Variants in SAMD12 observed in about 807,000 individuals in gnomAD.
SAMD12 encodes the protein sterile alpha motif domain containing 12.
Under a neutral mutation model 15.0 loss-of-function variants are expected in SAMD12, and 9 were observed. The ratio of observed to expected loss-of-function variants is 0.60; its 90% CI spans 0.36 to 1.05. The LOEUF is 1.05. SAMD12 is among the 50% of genes least tolerant of loss of function. The pLI is 0.01. For synonymous variants in SAMD12, 86 were observed against 90.1 expected, an observed-to-expected ratio of 0.96 and a Z score of 0.25; for missense variants, 230 against 234.2, an observed-to-expected ratio of 0.98 and a Z score of 0.12.
At chr8:118,328,795 A>G (rs1025253060) in intron 4 of SAMD12, among the ~76,000 whole-genome samples, 2 of 152,148 alleles carry the variant, frequency 1.3e-5, no homozygotes, top group African/African-American at 2.4e-5. Flanking sequence ...GCTTGAAATG[A>G]TGCTCTTCCT....
At chr8:118,329,379 A>G (rs953248600) in intron 4 of SAMD12, among the ~76,000 whole-genome samples, 5 of 152,178 alleles carry the variant, frequency 3.3e-5, no homozygotes, top group East Asian at 1.9e-4. Context: ...TAAAATTATT[A>G]TAAATGAAAT....
At chr8:118,401,519 T>G (rs77966224) in intron 3 of SAMD12, among the ~76,000 whole-genome samples, 1,547 of 150,580 alleles carry the variant, frequency 0.01, 27 homozygotes, top group African/African-American at 0.037. Context: ...TATAGGTGTG[T>G]GCCACAGACT....
chr8:118,270,813 C>A (rs1372534391), intron 4 of SAMD12, among the ~76,000 whole-genome samples: 1 of 152,040 alleles, frequency 6.6e-6, no homozygotes, highest in Non-Finnish European at 1.5e-5. Context: ...CAAAAGACAA[C>A]AACACATATA....
intron 4 of SAMD12, among the ~76,000 whole-genome samples, chr8:118,300,616 G>A (rs765582346): frequency 3.3e-5 from 5 of 152,176 alleles, no homozygotes; most frequent in Non-Finnish European, 7.4e-5. Flanking sequence ...ACTGGATCTT[G>A]TTAGAAATAA....
chr8:118,433,965 C>A (rs1226394504), intron 3 of SAMD12, among the ~76,000 whole-genome samples: 2 of 152,132 alleles, frequency 1.3e-5, no homozygotes, highest in Non-Finnish European at 2.9e-5. Context: ...TAGCTACACA[C>A]CCCATTGGTT....
At chr8:118,560,433 T>C (rs2131209042) in intron 2 of SAMD12, among the ~76,000 whole-genome samples, 1 of 152,324 alleles carries the variant, frequency 6.6e-6, no homozygotes, top group Non-Finnish European at 1.5e-5. Context: ...ATACTACCCT[T>C]CCACCCATTT....
At chr8:118,423,177 C>T (rs1822080906) in intron 3 of SAMD12, among the ~76,000 whole-genome samples, 1 of 151,936 alleles carries the variant, frequency 6.6e-6, no homozygotes, top group African/African-American at 2.4e-5. Context: ...TGAATGATAC[C>T]CAAGAGAGGA....
At chr8:118,383,302 C>T (rs1295868425) in intron 3 of SAMD12, among the ~76,000 whole-genome samples, 3 of 151,954 alleles carry the variant, frequency 2.0e-5, no homozygotes, top group Admixed American at 6.6e-5. Context: ...CAAATGTCTA[C>T]GAGTATGTGA....
At chr8:118,422,718 G>A (rs1054509212) in intron 3 of SAMD12, among the ~76,000 whole-genome samples, 1 of 152,224 alleles carries the variant, frequency 6.6e-6, no homozygotes, top group African/African-American at 2.4e-5. Context: ...CAGGATCATA[G>A]GAAGAAGAGA....
intron 3 of SAMD12, among the ~76,000 whole-genome samples, chr8:118,386,988 TC>T (rs1292642378): frequency 5.9e-5 from 9 of 152,064 alleles, no homozygotes; most frequent in Admixed American, 1.3e-4. Flanking sequence ...ATTGGACAGT[TC>T]CCCAAATAAA....
At chr8:118,565,240 T>C (rs1219007020) in intron 2 of SAMD12, among the ~76,000 whole-genome samples, 2 of 152,194 alleles carry the variant, frequency 1.3e-5, no homozygotes, top group Non-Finnish European at 1.5e-5. Context: ...TGCATTGGAC[T>C]CCTTTTACTA....
chr8:118,429,078 A>G (rs1372276916), intron 3 of SAMD12, among the ~76,000 whole-genome samples: 1 of 151,900 alleles, frequency 6.6e-6, no homozygotes, highest in East Asian at 1.9e-4. Flanking sequence ...AGTGTGGGAT[A>G]TCTCACCATT....
At position 118,379,159 on chromosome 8, in the gene SAMD12, C is replaced by A; in HGVS notation, c.*258G>T. 8.2e-7 allele frequency: 1 copy of A among 1,216,480 alleles called. No homozygotes were observed. Among genetic ancestry groups the A allele is most frequent in the Non-Finnish European group, 1.0e-6 (1 of 973,202 alleles). The allele number at this position is 1,216,480 out of a possible 1,614,324, so 75.4% of individuals were successfully genotyped here. On this transcript the variant is annotated 3_prime_UTR_variant, in exon 4 of 4. Coordinates refer to ENST00000314727, the MANE Select transcript of SAMD12 (RefSeq NM_207506.3). ...TGAATCACTCAAATGCTAAAGCGCC[C>A]TCACAATTGGCGCAGGTGAAGATAG...
the SAMD12 span, among the ~76,000 whole-genome samples, chr8:118,159,256 T>A: frequency 6.6e-6 from 1 of 152,148 alleles, no homozygotes; most frequent in Non-Finnish European, 1.5e-5. Context: ...CATTCCCCAG[T>A]GCGCACAGTG....
At chr8:118,230,518 T>C (rs1812288932) in intron 4 of SAMD12, among the ~76,000 whole-genome samples, 1 of 152,022 alleles carries the variant, frequency 6.6e-6, no homozygotes. Context: ...GGGTCTGATG[T>C]ATGCAGTCAG....
downstream of SAMD12, among the ~76,000 whole-genome samples, chr8:118,376,478 C>G (rs1178835041): frequency 1.3e-5 from 2 of 152,064 alleles, no homozygotes; most frequent in African/African-American, 4.8e-5. Flanking sequence ...AGGAAGTGGG[C>G]CCTCATCAGA....
At chr8:118,473,349 C>T (rs1161765846) in intron 2 of SAMD12, among the ~76,000 whole-genome samples, 1 of 152,188 alleles carries the variant, frequency 6.6e-6, no homozygotes, top group African/African-American at 2.4e-5. Flanking sequence ...AGTACGCCAT[C>T]TGTTTCCTGC....
At chr8:118,183,733 A>G in the SAMD12 span, among the ~76,000 whole-genome samples, 2 of 151,992 alleles carry the variant, frequency 1.3e-5, no homozygotes, top group Admixed American at 6.6e-5. Flanking sequence ...ACCTGGATAA[A>G]TTGTATTGTG....
At chr8:118,207,900 G>A (rs1819907411) in intron 4 of SAMD12, among the ~76,000 whole-genome samples, 1 of 147,080 alleles carries the variant, frequency 6.8e-6, no homozygotes, top group African/African-American at 2.6e-5. Context: ...CACTTTTAAA[G>A]GAGAATACAA....
Sources: allele counts gnomAD v4.1 joint callset (sites outside exome capture counted in the v4.1 genomes callset), GRCh38; gene constraint gnomAD v4.1.1; transcripts MANE v1.5; gene names NCBI Gene and HGNC (gene_info 2026-07-23, HGNC 2026-07-21).